STK17B: variants seen among roughly 807,000 people sequenced by gnomAD.
STK17B encodes the protein serine/threonine-protein kinase 17B.
In STK17B, 21 loss-of-function variants were observed where a neutral mutation model predicts 42.0. The ratio of observed to expected loss-of-function variants is 0.50; its 90% CI spans 0.35 to 0.72. The LOEUF (loss-of-function observed/expected upper bound fraction) is 0.72. STK17B is among the 30% of genes least tolerant of loss of function. The pLI, the probability that STK17B is intolerant of heterozygous loss-of-function variation, is 0.00. For synonymous variants in STK17B, 143 were observed against 148.4 expected (o/e 0.96, Z 0.26); for missense variants, 349 against 446.0 (o/e 0.78, Z 1.96).
intron 3 of STK17B, among the ~76,000 whole-genome samples, chr2:196,148,464 T>C (rs957202322): frequency 6.6e-6 from 1 of 152,114 alleles, no homozygotes; most frequent in South Asian, 2.1e-4. Context: ...ATAGTACTAA[T>C]GCAATCATAA....
At chr2:196,170,301 G>GT (rs1699923304) in intron 1 of STK17B, among the ~76,000 whole-genome samples, 1 of 152,156 alleles carries the variant, frequency 6.6e-6, no homozygotes, top group South Asian at 2.1e-4. Flanking sequence ...ACTTGAAAAC[G>GT]TAAAGTGGCC....
chr2:196,162,029 T>C (rs910879564), intron 2 of STK17B, among the ~76,000 whole-genome samples: 2 of 152,224 alleles, frequency 1.3e-5, no homozygotes, highest in African/African-American at 4.8e-5. Flanking sequence ...AATATGGACT[T>C]AGTAAACCAT....
chr2:196,138,738 G>A (rs916335452), intron 7 of STK17B, among the ~76,000 whole-genome samples: 1 of 151,950 alleles, frequency 6.6e-6, no homozygotes, highest in African/African-American at 2.4e-5. Flanking sequence ...ACCATGCCCG[G>A]CTAACTTTTG....
In STK17B at chr2:196,150,156, G is replaced by A. The variant is rs534355337; in HGVS notation, c.336-4101C>T. On this transcript the variant is annotated intron_variant, in intron 3 of 7. Coordinates refer to ENST00000263955, the MANE Select transcript of STK17B (RefSeq NM_004226.4). ...AGACTTCTGTTAAGGAAACCACCCTGAGCAGTCACCCAGAGCAGTGACTAA... is the reference window on the plus strand; with the variant it reads ...AGACTTCTGTTAAGGAAACCACCCTAAGCAGTCACCCAGAGCAGTGACTAA... Among the ~76,000 whole-genome samples, 13 of 129,864 alleles carry A rather than the reference G, an allele frequency of 1.0e-4. No individual in the cohort carries two copies. In the South Asian group the frequency reaches 2.4e-3, roughly 24 times the overall value. 85.2% of individuals were successfully genotyped at this position (129,864 alleles called of 152,430 possible).
rs1271058924 is a variant in STK17B, at chr2:196,136,677, G to A, written c.*770C>T. On this transcript the variant is annotated 3_prime_UTR_variant, in exon 8 of 8. Transcript: ENST00000263955. ...AAGTATCTTCTACTCTAGAAATTCT[G>A]GAGGATTAAAAAACTCTACACTTGC... The A allele has an allele frequency of 2.6e-5, 4 of 152,082 alleles. No homozygotes were observed. The highest frequency in any genetic ancestry group is 4.8e-5 in the African/African-American group (2 of 41,388). The allele number at this position is 152,082 out of a possible 1,614,324, so 9.4% of individuals were successfully genotyped here.
In STK17B at chr2:196,163,416, A is replaced by G; in HGVS notation, c.-33T>C. The G allele has an allele frequency of 6.5e-7, 1 of 1,549,000 alleles. No individual in the cohort carries two copies. The highest frequency in any genetic ancestry group is 1.4e-5 in the African/African-American group (1 of 71,910). The stretch of plus-strand genomic sequence containing the variant: ...GATTCCCAGGTCTGCTTCTTTAGTC[A>G]CTTATTTTTACCTATGCAAAAAAAG... On this transcript the variant is annotated 5_prime_UTR_variant, in exon 2 of 8. Coordinates refer to ENST00000263955, the MANE Select transcript of STK17B (RefSeq NM_004226.4).
chr2:196,162,989 C>T (rs558096339), intron 2 of STK17B, among the ~76,000 whole-genome samples: 1 of 152,326 alleles, frequency 6.6e-6, no homozygotes, highest in African/African-American at 2.4e-5. Flanking sequence ...CTATGCTGAG[C>T]TGCCTCTTCC....
At chr2:196,153,478 G>A (rs1295883142) in intron 3 of STK17B, 1 of 152,068 alleles carries the variant, frequency 6.6e-6, no homozygotes, top group Non-Finnish European at 1.5e-5. Flanking sequence ...GACTAAATTC[G>A]TGATTTTGAA....
At chr2:196,139,205 C>T (rs1172369090) in intron 7 of STK17B, among the ~76,000 whole-genome samples, 1 of 152,074 alleles carries the variant, frequency 6.6e-6, no homozygotes, top group Non-Finnish European at 1.5e-5. Flanking sequence ...ACCTCGTGAT[C>T]CATCTGCCTC....
intron 3 of STK17B, among the ~76,000 whole-genome samples, chr2:196,147,410 C>T (rs1262929920): frequency 6.6e-6 from 1 of 151,964 alleles, no homozygotes; most frequent in South Asian, 2.1e-4. Flanking sequence ...TCAGAAGTCT[C>T]AGTGACTGCC....
chr2:196,173,484 T>C (rs931742115), upstream of STK17B, among the ~76,000 whole-genome samples: 30 of 152,208 alleles, frequency 2.0e-4, no homozygotes, highest in Admixed American at 1.4e-3. Flanking sequence ...CTTACCACAC[T>C]ATCCCAAGGA....
Position 196,156,452 on chromosome 2 carries a change from A to G in STK17B, c.322T>C (p.Leu108=), listed in dbSNP as rs778574057. Residue 108 remains leucine, a synonymous_variant, in exon 3 of 8, where the codon TTG becomes CTG. Coordinates refer to ENST00000263955, the MANE Select transcript of STK17B (RefSeq NM_004226.4). ...EVYENTSEII[L]ILEYAAGGEI... ...GTATATACTTACTATTCCAATATCA[A>G]AATGATTTCACTTGTATTTTCATAG... 30 of 1,613,136 alleles carry G rather than the reference A, an allele frequency of 1.9e-5. No individual in the cohort carries two copies. Among genetic ancestry groups the G allele is most frequent in the Non-Finnish European group, 2.4e-5 (28 of 1,179,500 alleles).
chr2:196,137,272 T>C lies in STK17B; in HGVS notation c.*175A>G. ...TTATCTGCAGAGCTATCTCAGGATATGAAATCATAACATGCTAGCAACTAG... is the reference window on the plus strand; with the variant it reads ...TTATCTGCAGAGCTATCTCAGGATACGAAATCATAACATGCTAGCAACTAG... On this transcript the variant is annotated 3_prime_UTR_variant, in exon 8 of 8. Transcript: ENST00000263955. The C allele has an allele frequency of 1.6e-6, 1 of 638,026 alleles. No individual in the cohort carries two copies. Among genetic ancestry groups the C allele is most frequent in the East Asian group, 2.9e-5 (1 of 34,030 alleles). 39.5% of individuals were successfully genotyped at this position (638,026 alleles called of 1,614,324 possible).
rs758521573 is a variant in STK17B at position 196,163,387 on chromosome 2, A to G, written c.-4T>C. On this transcript the variant is annotated 5_prime_UTR_variant, in exon 2 of 8. Coordinates refer to ENST00000263955, the MANE Select transcript of STK17B (RefSeq NM_004226.4). ...AATCAAATCTCCTCCTCGACATGTT[A>G]GGTGATTCCCAGGTCTGCTTCTTTA... is the stretch of plus-strand genomic sequence containing the variant. 12 of 1,583,678 alleles carry G rather than the reference A, an allele frequency of 7.6e-6. No homozygotes were observed. In the African/African-American group the frequency reaches 1.5e-4, roughly 20 times the overall value.
chr2:196,152,689 A>G (rs975629104), intron 3 of STK17B, among the ~76,000 whole-genome samples: 14 of 152,242 alleles, frequency 9.2e-5, no homozygotes, highest in African/African-American at 3.4e-4. Context: ...ATATATTCTT[A>G]AGTAAACAAA....
chr2:196,149,392 C>T (rs1699631389), intron 3 of STK17B, among the ~76,000 whole-genome samples: 1 of 152,094 alleles, frequency 6.6e-6, no homozygotes, highest in Admixed American at 6.5e-5. Flanking sequence ...TCTCCATCTC[C>T]TGACCTCGTG....
At chr2:196,167,122 TC>T (rs1336093587) in intron 1 of STK17B, among the ~76,000 whole-genome samples, 1 of 152,210 alleles carries the variant, frequency 6.6e-6, no homozygotes, top group Non-Finnish European at 1.5e-5. Context: ...TTCTTACACA[TC>T]CTTCAAAACT....
chr2:196,141,363 T>C (rs1699491399), intron 5 of STK17B, 66 bp from the exon 6 acceptor site: 1 of 1,332,866 alleles, frequency 7.5e-7, no homozygotes, highest in Admixed American at 1.9e-5. Flanking sequence ...TCACTTTATA[T>C]TACGTTATAA....
chr2:196,170,680 G>C (rs890528436), intron 1 of STK17B, among the ~76,000 whole-genome samples: 1 of 152,220 alleles, frequency 6.6e-6, no homozygotes, highest in Non-Finnish European at 1.5e-5. Context: ...GTTTGAGGAT[G>C]AGTCGTGCAC....
Sources: allele counts gnomAD v4.1 joint callset (sites outside exome capture counted in the v4.1 genomes callset), GRCh38; gene constraint gnomAD v4.1.1; transcripts MANE v1.5; gene names NCBI Gene and HGNC (gene_info 2026-07-23, HGNC 2026-07-21).